TBX2: variants seen among roughly 807,000 people sequenced by gnomAD.
TBX2 encodes the protein T-box transcription factor 2.
Under a neutral mutation model 48.4 loss-of-function variants are expected in TBX2, and 19 were observed. That is an observed-to-expected ratio of 0.39 (90% confidence interval 0.27 to 0.58). TBX2 has a LOEUF of 0.58. Among genes scored for constraint, TBX2 ranks in the 20% least tolerant of loss-of-function variants. TBX2 has a pLI of 0.54. For missense variants in TBX2, 994 were observed against 1,006.5 expected (o/e 0.99, Z 0.17); for synonymous variants, 522 against 459.7 (o/e 1.14, Z -1.73).
rs765507332 is a variant in TBX2 at position 61,403,012 on chromosome 17, G to C, written c.664-49G>C. The stretch of plus-strand genomic sequence containing the variant: ...GGTCAGGTACCCAAAGAATAGAAAA[G>C]CTCGGGCCGGGGCTGGTGGCTGCCG... On this transcript the variant is annotated intron_variant, in intron 2 of 6. Transcript: ENST00000240328. This position sits in a 1 kb window ranked among gnomAD's most constrained non-coding sequence, Gnocchi z 5.8. 4 of 1,552,074 alleles carry C rather than the reference G, an allele frequency of 2.6e-6. No homozygotes were observed. The highest frequency in any genetic ancestry group is 3.5e-6 in the Non-Finnish European group (4 of 1,156,002).
At position 61,408,958 on chromosome 17, in the gene TBX2, T is replaced by G. The variant is rs2060299136; in HGVS notation, c.*452T>G. The G allele has an allele frequency of 6.4e-6, 1 of 156,792 alleles. No homozygotes were observed. The highest frequency in any genetic ancestry group is 1.4e-5 in the Non-Finnish European group (1 of 71,334). 9.7% of individuals were successfully genotyped at this position (156,792 alleles called of 1,614,324 possible). On this transcript the variant is annotated 3_prime_UTR_variant, in exon 7 of 7. Transcript: ENST00000240328. ...TGGAACCAGTTACGACTGAAGTCAGTGTAGACCTGAGCTGGGAGGGAACCT... is the reference window on the plus strand; with the variant it reads ...TGGAACCAGTTACGACTGAAGTCAGGGTAGACCTGAGCTGGGAGGGAACCT...
rs1161004743 is a variant in TBX2 at position 61,405,340 on chromosome 17, G to A, written c.1190G>A (p.Arg397Gln). ...PTRLTEPERARERRSPERGKE... is the reference protein window; with the variant it reads ...PTRLTEPERAQERRSPERGKE... Reference sequence around the variant, plus strand: ...CGCTTGACCGAACCCGAGCGCGCCCGGGAGCGGCGTAGTCCCGAGAGGGGC... The same window carrying A: ...CGCTTGACCGAACCCGAGCGCGCCCAGGAGCGGCGTAGTCCCGAGAGGGGC... The change falls in exon 6 of 7, where the codon CGG becomes CAG. Residue 397 changes from arginine (R) to glutamine (Q), a missense_variant. Transcript: ENST00000240328. 9.7e-6 allele frequency: 15 copies of A among 1,545,902 alleles called. No homozygotes were observed. The highest frequency in any genetic ancestry group is 1.2e-5 in the Non-Finnish European group (14 of 1,152,194).
chr17:61,404,580 G>A, intron 4 of TBX2, 26 bp from the exon 5 acceptor site: 1 of 1,592,446 alleles, frequency 6.3e-7, no homozygotes, highest in South Asian at 1.1e-5. Context: ...GCTCCCCGCT[G>A]ACCTGGTTCA....
chr17:61,402,156 G>A (rs963366487), intron 2 of TBX2, among the ~76,000 whole-genome samples: 1 of 152,198 alleles, frequency 6.6e-6, no homozygotes, highest in Non-Finnish European at 1.5e-5. Context: ...CCTGGGAAAT[G>A]GTGGGGTCAG....
In TBX2 at chr17:61,409,203, TTAAC is replaced by T. The variant is rs1419815196; in HGVS notation, c.*699_*702del. On this transcript the variant is annotated 3_prime_UTR_variant, in exon 7 of 7. Coordinates refer to ENST00000240328, the MANE Select transcript of TBX2 (RefSeq NM_005994.4). Reference sequence around the variant, plus strand: ...ATTGCTGTGTACATATATTTAGAGATTAACTCATACATTTAAAGTTTTTTTCATT... The same window carrying T: ...ATTGCTGTGTACATATATTTAGAGATTCATACATTTAAAGTTTTTTTCATT... 1 of 152,664 alleles carries T rather than the reference TTAAC, an allele frequency of 6.6e-6. No individual in the cohort carries two copies. Among genetic ancestry groups the T allele is most frequent in the Non-Finnish European group, 1.5e-5 (1 of 68,050 alleles). The allele number at this position is 152,664 out of a possible 1,614,324, so 9.5% of individuals were successfully genotyped here.
rs2143724288 is a variant in TBX2 at position 61,400,403 on chromosome 17, A to G, written c.227A>G (p.His76Arg). The part of the protein sequence containing the change: ...AAAAAAEAGL[H>R]VSALGPHPPA... ...GCAGCAGCGGCCGAGGCGGGGCTGC[A>G]CGTCTCGGCACTGGGCCCGCACCCG... Residue 76 changes from histidine (H) to arginine (R), a missense_variant, in exon 1 of 7, where the codon CAC becomes CGC. Around this residue, in one of 5 missense-constraint regions of TBX2, gnomAD observed 165 missense variants for 136.8 expected, o/e 1.21. Coordinates refer to ENST00000240328, the MANE Select transcript of TBX2 (RefSeq NM_005994.4). The surrounding 1 kb of genome is among the most constrained non-coding windows in gnomAD (Gnocchi z 9.2). 4 of 1,472,134 alleles carry G rather than the reference A, an allele frequency of 2.7e-6. No homozygotes were observed. The highest frequency in any genetic ancestry group is 3.6e-6 in the Non-Finnish European group (4 of 1,108,410). The allele number at this position is 1,472,134 out of a possible 1,614,324, so 91.2% of individuals were successfully genotyped here. A position where few individuals can be genotyped will look rare whatever the true frequency, so the allele number is the denominator to read the frequency against.
At chr17:61,404,860 T>C (rs1432006844) in intron 5 of TBX2, 91 bp downstream of exon 5, 7 of 1,500,340 alleles carry the variant, frequency 4.7e-6, no homozygotes, top group Non-Finnish European at 6.3e-6. Context: ...CCCGCTAACC[T>C]GAAAGGCCAG....
At chr17:61,401,646 C>A (rs756235282) in intron 1 of TBX2, 38 bp from the exon 2 acceptor site, 3 of 1,586,516 alleles carry the variant, frequency 1.9e-6, no homozygotes. Context: ...CTAGAACAGC[C>A]GGTTCCAATG....
chr17:61,405,595 C>T lies in TBX2; in HGVS notation c.1445C>T (p.Pro482Leu). 5.6e-6 allele frequency: 9 copies of T among 1,595,758 alleles called. No individual in the cohort carries two copies. Among genetic ancestry groups the T allele is most frequent in the Non-Finnish European group, 7.7e-6 (9 of 1,175,336 alleles). The stretch of plus-strand genomic sequence containing the variant: ...TTGCACGGGCAGCAGTTCTTTGGGC[C>T]GCTGGGAGCCGGCCAGCCGCTCTTC... ...SHLHGQQFFGPLGAGQPLFLH... is the reference protein window; with the variant it reads ...SHLHGQQFFGLLGAGQPLFLH... The change falls in exon 6 of 7, where the codon CCG becomes CTG. Residue 482 changes from proline to leucine, a missense_variant. Around this residue, in one of 5 missense-constraint regions of TBX2, gnomAD observed 639 missense variants for 613.2 expected, o/e 1.04. Coordinates refer to ENST00000240328, the MANE Select transcript of TBX2 (RefSeq NM_005994.4).
At chr17:61,402,736 G>T (rs2060268890) in intron 2 of TBX2, among the ~76,000 whole-genome samples, 1 of 151,192 alleles carries the variant, frequency 6.6e-6, no homozygotes, top group African/African-American at 2.4e-5. Context: ...TTTTTTGGTT[G>T]GTTTTTTTGT....
At position 61,403,329 on chromosome 17, in the gene TBX2, C is replaced by T. The variant is rs961696345; in HGVS notation, c.810+122C>T. ...CGGGATCCGCGCTCTTGCGGCCCGC[C>T]CCCGAGCACCGAGCCTCGCATCCAT... is the stretch of plus-strand genomic sequence containing the variant. On this transcript the variant is annotated intron_variant, in intron 3 of 6. Transcript: ENST00000240328. This position sits in a 1 kb window ranked among gnomAD's most constrained non-coding sequence, Gnocchi z 5.8. 4 of 1,448,268 alleles carry T rather than the reference C, an allele frequency of 2.8e-6. No individual in the cohort carries two copies. The highest frequency in any genetic ancestry group is 5.0e-5 in the East Asian group (2 of 39,692). 89.7% of individuals were successfully genotyped at this position (1,448,268 alleles called of 1,614,324 possible). A position where few individuals can be genotyped will look rare whatever the true frequency, so the allele number is the denominator to read the frequency against.
rs374991370 is a variant in TBX2, at chr17:61,401,869, C to T, written c.581C>T (p.Ala194Val). 1 of 1,613,036 alleles carries T rather than the reference C, an allele frequency of 6.2e-7. No homozygotes were observed. The highest frequency in any genetic ancestry group is 8.5e-7 in the Non-Finnish European group (1 of 1,179,994). ...ATGTACATCCACCCAGACAGCCCAGCCACGGGGGAGCAGTGGATGGCTAAG... is the reference window on the plus strand; with the variant it reads ...ATGTACATCCACCCAGACAGCCCAGTCACGGGGGAGCAGTGGATGGCTAAG... ...KRMYIHPDSPATGEQWMAKPV... is the reference protein window; with the variant it reads ...KRMYIHPDSPVTGEQWMAKPV... The change falls in exon 2 of 7, where the codon GCC becomes GTC. Residue 194 changes from alanine to valine, a missense_variant. Ala to Val is a moderately conservative substitution (Grantham distance 64). This residue lies in a region of TBX2 where 153 missense variants were observed against 166.2 expected (regional missense o/e 0.92). Coordinates refer to ENST00000240328, the MANE Select transcript of TBX2 (RefSeq NM_005994.4).
At position 61,406,738 on chromosome 17, in the gene TBX2, GT is replaced by G. The variant is rs1438850372; in HGVS notation, c.1686+903del. ...AATATTTTAAAAGTTGGGTTGGTGG[GT>G]GGGGGGGTGGGGGGTTGGGAGGCAG... is the stretch of plus-strand genomic sequence containing the variant. On this transcript the variant is annotated intron_variant, in intron 6 of 6. Coordinates refer to ENST00000240328, the MANE Select transcript of TBX2 (RefSeq NM_005994.4). This position sits in a 1 kb window ranked among gnomAD's most constrained non-coding sequence, Gnocchi z 5.7. 41 of 80,692 alleles carry G rather than the reference GT, an allele frequency of 5.1e-4. No individual in the cohort carries two copies. The highest frequency in any genetic ancestry group is 1.5e-3 in the African/African-American group (39 of 25,636). 5.0% of individuals were successfully genotyped at this position (80,692 alleles called of 1,614,324 possible). A position where few individuals can be genotyped will look rare whatever the true frequency, so the allele number is the denominator to read the frequency against.
intron 5 of TBX2, 86 bp from the exon 6 acceptor site, chr17:61,405,116 C>G: frequency 6.7e-7 from 1 of 1,492,554 alleles, no homozygotes; most frequent in Non-Finnish European, 8.9e-7. Flanking sequence ...CTCGGCCTCC[C>G]CGAGAGCAGC....
At chr17:61,404,294 G>A (rs2143731360) in intron 3 of TBX2, 127 bp from the exon 4 acceptor site, 1 of 1,187,508 alleles carries the variant, frequency 8.4e-7, no homozygotes, top group East Asian at 2.6e-5. Context: ...CATCCCAGGC[G>A]GGTGGGTACC....
rs370935029 is a variant in TBX2 at position 61,408,033 on chromosome 17, G to A, written c.1687-21G>A. Reference sequence around the variant, plus strand: ...ACTTCAGGCAAGATGTCTAACCCTCGTCTTGTTCTGTTTCTTCCAGGGAAT... The same window carrying A: ...ACTTCAGGCAAGATGTCTAACCCTCATCTTGTTCTGTTTCTTCCAGGGAAT... On this transcript the variant is annotated intron_variant, in intron 6 of 6. Transcript: ENST00000240328. 6.4e-6 allele frequency: 10 copies of A among 1,554,522 alleles called. No homozygotes were observed. The African/African-American group carries it at 1.1e-4, about 17-fold the overall frequency.
intron 2 of TBX2, 122 bp downstream of exon 2, chr17:61,402,073 C>T: frequency 7.1e-7 from 1 of 1,408,072 alleles, no homozygotes; most frequent in Non-Finnish European, 9.4e-7. Context: ...CCAGAGTGCC[C>T]CTGCCCGGGT....
At position 61,406,540 on chromosome 17, in the gene TBX2, G is replaced by A. The variant is rs1347306291; in HGVS notation, c.1686+704G>A. ...GGGGCACAGTAAGGAGATCCGATGG[G>A]GACAGTGGCCTCTTTGGTTGCTTGG... On this transcript the variant is annotated intron_variant, in intron 6 of 6. Coordinates refer to ENST00000240328, the MANE Select transcript of TBX2 (RefSeq NM_005994.4). This position sits in a 1 kb window ranked among gnomAD's most constrained non-coding sequence, Gnocchi z 5.7. The A allele has an allele frequency of 6.6e-6, 1 of 152,186 alleles. No homozygotes were observed. Among genetic ancestry groups the A allele is most frequent in the Non-Finnish European group, 1.5e-5 (1 of 68,056 alleles). The allele number at this position is 152,186 out of a possible 1,614,324, so 9.4% of individuals were successfully genotyped here.
rs1057235100 is a variant in TBX2 at position 61,405,423 on chromosome 17, G to C, written c.1273G>C (p.Glu425Gln). ...GTTCGGCCTGAGGAGCCTGGAGAAG[G>C]AGCGCGCCGAAGCTCGGAGGAAGGA... Reference protein sequence around the residue: ...GPFGLRSLEKERAEARRKDEG... With the variant: ...GPFGLRSLEKQRAEARRKDEG... Residue 425 changes from glutamate (E) to glutamine (Q), a missense_variant, in exon 6 of 7, where the codon GAG (glutamate) becomes CAG (glutamine). Transcript: ENST00000240328. 2 of 1,553,140 alleles carry C rather than the reference G, an allele frequency of 1.3e-6. No homozygotes were observed. Among genetic ancestry groups the C allele is most frequent in the East Asian group, 4.7e-5 (2 of 42,620 alleles).
Sources: gnomAD v4.1 joint callset for allele counts (sites outside exome capture counted in the v4.1 genomes callset) on GRCh38, gnomAD v4.1.1 for gene constraint, gnomAD v4.1.1 regional missense constraint, Gnocchi (gnomAD v3.1) non-coding constraint, MANE v1.5 for transcripts, NCBI Gene and HGNC (gene_info 2026-07-23, HGNC 2026-07-21) for gene names.